The following COL5A1 variants were observed in gnomAD, a reference collection of about 807,000 sequenced individuals.
The protein encoded by COL5A1 is collagen type V alpha 1 chain.
COL5A1 carries 16 observed loss-of-function variants against 263.7 expected under a neutral mutation model. That is an observed-to-expected ratio of 0.06 (90% CI 0.04 to 0.09). COL5A1 has a LOEUF of 0.09. Ranked by LOEUF, COL5A1 falls within the 10% of genes least tolerant of loss-of-function variation. COL5A1 has a pLI of 1.00. For synonymous variants in COL5A1, 1,012 were observed against 1,004.5 expected, an observed-to-expected ratio of 1.01 and a Z score of -0.14; for missense variants, 2,036 against 2,540.5, an observed-to-expected ratio of 0.80 and a Z score of 4.27.
At chr9:134,643,775 T>C (rs550055816) in intron 1 of COL5A1, among the ~76,000 whole-genome samples, 1 of 152,296 alleles carries the variant, frequency 6.6e-6, no homozygotes, top group South Asian at 2.1e-4. Context: ...GCCGGGGGAC[T>C]AGGCCCTGTC....
intron 64 of COL5A1, among the ~76,000 whole-genome samples, chr9:134,832,129 G>A (rs1225755045): frequency 1.3e-5 from 2 of 152,248 alleles, no homozygotes; most frequent in Non-Finnish European, 2.9e-5. Context: ...AAATGGGCTG[G>A]GCAGGTTGGC....
Position 134,840,547 on chromosome 9 carries a change from C to CCCAT in COL5A1, c.5371-1609_5371-1606dup, listed in dbSNP as rs1839990085. 5.3e-5 allele frequency among the ~76,000 whole-genome samples: 8 copies of CCCAT among 152,354 alleles called. No individual in the cohort carries two copies. In the South Asian group the frequency reaches 1.7e-3, roughly 32 times the overall value. The stretch of plus-strand genomic sequence containing the variant: ...AAACCACAGATGTTCGTTACGTCAC[C>CCCAT]CCATGTCCGAGGGTCAGAAGCCTGG... On this transcript the variant is annotated intron_variant, in intron 65 of 65. Coordinates refer to ENST00000371817, the MANE Select transcript of COL5A1 (RefSeq NM_000093.5).
rs1836009079 is a variant in COL5A1, at chr9:134,757,157, G to C, written c.1881+339G>C. Among the ~76,000 whole-genome samples, 1 of 152,262 alleles carries C rather than the reference G, an allele frequency of 6.6e-6. No individual in the cohort carries two copies. The highest frequency in any genetic ancestry group is 2.4e-5 in the African/African-American group (1 of 41,544). ...ATATGGCAAGTGCGGGGGCCAGGGG[G>C]TCTTGTCCAGTCGGGACTCCTGGGT... On this transcript the variant is annotated intron_variant, in intron 17 of 65. Transcript: ENST00000371817. This position sits in a 1 kb window ranked among gnomAD's most constrained non-coding sequence, Gnocchi z 6.2.
At chr9:134,827,809 C>T (rs1237347277) in intron 63 of COL5A1, among the ~76,000 whole-genome samples, 1 of 152,224 alleles carries the variant, frequency 6.6e-6, no homozygotes, top group Admixed American at 6.5e-5. Flanking sequence ...GCTGGGGGAG[C>T]CCGCGCTTGC....
At chr9:134,782,476 G>T in intron 28 of COL5A1, 191 bp from the exon 29 acceptor site, 1 of 687,854 alleles carries the variant, frequency 1.5e-6, no homozygotes. Context: ...GAACGTTACA[G>T]CTGGGAACGC....
chr9:134,760,702 C>T (rs1476063574), intron 18 of COL5A1, among the ~76,000 whole-genome samples: 11 of 144,366 alleles, frequency 7.6e-5, no homozygotes, highest in Admixed American at 4.1e-4. Context: ...CATGCACACA[C>T]ACACCCACAC....
chr9:134,833,127 C>A (rs998242225), intron 64 of COL5A1, among the ~76,000 whole-genome samples: 1 of 147,476 alleles, frequency 6.8e-6, no homozygotes, highest in African/African-American at 2.7e-5. Context: ...GGCTGCCCTG[C>A]CCAGCCAGGC....
chr9:134,801,528 C>T (rs1190684242), intron 37 of COL5A1, among the ~76,000 whole-genome samples: 3 of 152,256 alleles, frequency 2.0e-5, no homozygotes, highest in Non-Finnish European at 2.9e-5. Context: ...GTGGCTCACG[C>T]CTGTAATCCC....
At chr9:134,779,223 C>G (rs1269766010) in intron 27 of COL5A1, among the ~76,000 whole-genome samples, 3 of 152,248 alleles carry the variant, frequency 2.0e-5, no homozygotes, top group East Asian at 3.8e-4. Flanking sequence ...GGTAGTCTCT[C>G]TAGCTAAAAG....
intron 42 of COL5A1, chr9:134,808,858 A>T: frequency 2.4e-6 from 1 of 424,208 alleles, no homozygotes; most frequent in Non-Finnish European, 4.4e-6. Flanking sequence ...CAATCCACAT[A>T]CAGGCTCAAG....
intron 27 of COL5A1, among the ~76,000 whole-genome samples, chr9:134,779,435 AAT>A (rs1180030261): frequency 1.3e-5 from 2 of 152,144 alleles, no homozygotes; most frequent in African/African-American, 4.8e-5. Context: ...AACTGCAATA[AAT>A]ATGTTATCAT....
chr9:134,767,565 A>G (rs1391661098), intron 24 of COL5A1, among the ~76,000 whole-genome samples: 1 of 152,262 alleles, frequency 6.6e-6, no homozygotes, highest in Non-Finnish European at 1.5e-5. Flanking sequence ...TTATTCATTC[A>G]TTCATTCTCT....
intron 4 of COL5A1, among the ~76,000 whole-genome samples, chr9:134,714,588 G>A (rs796472377): frequency 2.8e-3 from 391 of 139,480 alleles, no homozygotes; most frequent in African/African-American, 0.01. Context: ...GAAGGTGGTG[G>A]TGGAGGTGAT....
At chr9:134,662,282 T>C (rs1483520836) in intron 1 of COL5A1, among the ~76,000 whole-genome samples, 1 of 152,190 alleles carries the variant, frequency 6.6e-6, no homozygotes, top group Admixed American at 6.5e-5. Flanking sequence ...GGGCCCTGAC[T>C]TCCAGGCCGC....
At chr9:134,793,681 C>A (rs1205805669) in intron 32 of COL5A1, among the ~76,000 whole-genome samples, 1 of 151,936 alleles carries the variant, frequency 6.6e-6, no homozygotes, top group Non-Finnish European at 1.5e-5. Flanking sequence ...AATCTGGCAG[C>A]CCGGGCTCAT....
chr9:134,711,146 G>A (rs767256240), intron 4 of COL5A1, among the ~76,000 whole-genome samples: 1 of 152,224 alleles, frequency 6.6e-6, no homozygotes, highest in African/African-American at 2.4e-5. Flanking sequence ...TGAATTGTTC[G>A]GTCGGTGGTT....
intron 27 of COL5A1, among the ~76,000 whole-genome samples, chr9:134,778,148 T>G (rs1837118390): frequency 6.6e-6 from 1 of 152,232 alleles, no homozygotes; most frequent in Non-Finnish European, 1.5e-5. Context: ...CAGCTCTGTG[T>G]CAGCCAGCGT....
intron 37 of COL5A1, among the ~76,000 whole-genome samples, chr9:134,800,536 G>A (rs1300436022): frequency 1.3e-5 from 2 of 152,122 alleles, no homozygotes; most frequent in East Asian, 3.9e-4. Context: ...CCTGAGGTCG[G>A]GAGTTTGAGA....
intron 4 of COL5A1, among the ~76,000 whole-genome samples, chr9:134,713,413 T>C (rs1040286147): frequency 6.6e-6 from 1 of 152,226 alleles, no homozygotes; most frequent in African/African-American, 2.4e-5. Context: ...AGGGTCTTCC[T>C]GACGATGGTT....
Sources: allele counts gnomAD v4.1 joint callset (sites outside exome capture counted in the v4.1 genomes callset), GRCh38; gene constraint gnomAD v4.1.1; non-coding constraint Gnocchi (gnomAD v3.1); transcripts MANE v1.5; gene names NCBI Gene and HGNC (gene_info 2026-07-23, HGNC 2026-07-21).